AFF3: variants seen among roughly 807,000 people sequenced by gnomAD.
The protein encoded by AFF3 is ALF transcription elongation factor 3.
Under a neutral mutation model 129.7 loss-of-function variants are expected in AFF3, and 32 were observed. The observed-to-expected ratio is 0.25, with a 90% CI of 0.19 to 0.33. The LOEUF is 0.33. AFF3 is among the 10% of genes least tolerant of loss of function. AFF3 has a pLI of 1.00. For synonymous variants in AFF3, 644 were observed against 635.4 expected, an observed-to-expected ratio of 1.01 and a Z score of -0.20; for missense variants, 1,373 against 1,592.0, an observed-to-expected ratio of 0.86 and a Z score of 2.34.
intron 5 of AFF3, 173 bp from the exon 6 acceptor site, chr2:100,007,633 T>C (rs1682091697): frequency 4.6e-6 from 3 of 654,106 alleles, no homozygotes; most frequent in South Asian, 1.9e-5. Flanking sequence ...CACTTGGTGA[T>C]GCACCAGAAC....
chr2:99,741,201 G>A (rs1041430361), intron 10 of AFF3, among the ~76,000 whole-genome samples: 24 of 152,246 alleles, frequency 1.6e-4, no homozygotes, highest in Non-Finnish European at 2.5e-4. Flanking sequence ...TCAACATAGT[G>A]TTGGAAGTTC....
At chr2:99,980,434 T>G (rs115044080) in intron 7 of AFF3, among the ~76,000 whole-genome samples, 2 of 152,210 alleles carry the variant, frequency 1.3e-5, no homozygotes, top group Non-Finnish European at 2.9e-5. Flanking sequence ...TGGAGGGACA[T>G]GAAGAAAGGC....
intron 7 of AFF3, among the ~76,000 whole-genome samples, chr2:99,970,401 C>A (rs575981133): frequency 1.3e-5 from 2 of 152,258 alleles, no homozygotes; most frequent in East Asian, 3.9e-4. Context: ...AAACATCTCC[C>A]TCCCTCACCT....
intron 17 of AFF3, among the ~76,000 whole-genome samples, chr2:99,579,041 C>T (rs765899864): frequency 6.6e-6 from 1 of 152,204 alleles, no homozygotes; most frequent in Admixed American, 6.5e-5. Context: ...ACTCATCTCA[C>T]AGGTTTGCTG....
At chr2:99,868,408 C>T (rs906153200) in intron 7 of AFF3, among the ~76,000 whole-genome samples, 6 of 151,968 alleles carry the variant, frequency 3.9e-5, no homozygotes, top group South Asian at 2.1e-4. Flanking sequence ...AACATCAGGC[C>T]GGGAGGGGAG....
At chr2:99,684,976 T>C (rs1388958838) in intron 11 of AFF3, among the ~76,000 whole-genome samples, 2 of 151,514 alleles carry the variant, frequency 1.3e-5, no homozygotes, top group African/African-American at 2.4e-5. Context: ...TCTTGCTTTA[T>C]TGCCCAGGCT....
rs1674176169 is a variant in AFF3, at chr2:99,548,358, C to T, written c.*3116G>A. 5.0e-6 allele frequency: 1 copy of T among 200,024 alleles called. No homozygotes were observed. Among genetic ancestry groups the T allele is most frequent in the Admixed American group, 6.0e-5 (1 of 16,582 alleles). 12.4% of individuals were successfully genotyped at this position (200,024 alleles called of 1,614,324 possible). A position where few individuals can be genotyped will look rare whatever the true frequency, so the allele number is the denominator to read the frequency against. ...CAGAAGGGACAACCAGGGACTTACA[C>T]TTTCTACTTTCTACATTTCTGCACT... On this transcript the variant is annotated 3_prime_UTR_variant, in exon 25 of 25. Coordinates refer to ENST00000672756, the MANE Select transcript of AFF3 (RefSeq NM_001386135.1).
chr2:99,565,223 G>C (rs538896762), intron 20 of AFF3, among the ~76,000 whole-genome samples: 3 of 152,072 alleles, frequency 2.0e-5, no homozygotes, highest in East Asian at 1.9e-4. Flanking sequence ...CTAGCTGAGA[G>C]GAGCAGGCAT....
chr2:99,738,031 CCT>C (rs1421476471), intron 10 of AFF3, among the ~76,000 whole-genome samples: 2 of 152,048 alleles, frequency 1.3e-5, no homozygotes, highest in East Asian at 3.8e-4. Context: ...CATTTCCAAT[CCT>C]CTCTTTTATT....
chr2:99,673,524 A>T (rs1687349391), intron 11 of AFF3, among the ~76,000 whole-genome samples: 1 of 152,238 alleles, frequency 6.6e-6, no homozygotes, highest in South Asian at 2.1e-4. Flanking sequence ...AATTCATTTC[A>T]AAAGAAATCT....
At chr2:99,973,077 C>A (rs773525278) in intron 7 of AFF3, among the ~76,000 whole-genome samples, 1 of 152,198 alleles carries the variant, frequency 6.6e-6, no homozygotes, top group African/African-American at 2.4e-5. Context: ...GAAAACAACA[C>A]ATGATACCTG....
chr2:99,911,360 C>T (rs1158019927), intron 7 of AFF3, among the ~76,000 whole-genome samples: 1 of 151,254 alleles, frequency 6.6e-6, no homozygotes, highest in Non-Finnish European at 1.5e-5. Flanking sequence ...TGCACTCCAG[C>T]CTGGGCAACA....
chr2:99,738,670 T>C (rs964236296), intron 10 of AFF3, among the ~76,000 whole-genome samples: 2 of 152,182 alleles, frequency 1.3e-5, no homozygotes, highest in African/African-American at 4.8e-5. Context: ...TGTATCAGTA[T>C]TCCGATCAAT....
At chr2:99,713,127 G>C (rs555327537) in intron 11 of AFF3, among the ~76,000 whole-genome samples, 2 of 152,234 alleles carry the variant, frequency 1.3e-5, no homozygotes, top group African/African-American at 4.8e-5. Context: ...GTTTCAGTTT[G>C]GGAAGATAAA....
chr2:99,670,057 CAG>C (rs1228622229), intron 12 of AFF3, among the ~76,000 whole-genome samples: 2 of 152,132 alleles, frequency 1.3e-5, no homozygotes, highest in Admixed American at 1.3e-4. Context: ...ATTTTACAAA[CAG>C]AGACACTGAA....
At position 99,752,359 on chromosome 2, in the gene AFF3, G is replaced by T. The variant is rs576830208; in HGVS notation, c.922-58C>A. 7 of 1,455,358 alleles carry T rather than the reference G, an allele frequency of 4.8e-6. No individual in the cohort carries two copies. In the East Asian group the frequency reaches 1.4e-4, roughly 29 times the overall value. 90.2% of individuals were successfully genotyped at this position (1,455,358 alleles called of 1,614,324 possible). A position where few individuals can be genotyped will look rare whatever the true frequency, so the allele number is the denominator to read the frequency against. On this transcript the variant is annotated intron_variant, in intron 8 of 24. Coordinates refer to ENST00000672756, the MANE Select transcript of AFF3 (RefSeq NM_001386135.1). ...GATACAGACAGTATTTAAAATCAGC[G>T]GTATGTAAAGCAGCTGTACAAGTGG...
chr2:99,919,987 TG>T (rs1451074329), intron 7 of AFF3, among the ~76,000 whole-genome samples: 1 of 152,074 alleles, frequency 6.6e-6, no homozygotes, highest in Non-Finnish European at 1.5e-5. Context: ...AGAAATTCCT[TG>T]AAAAATACAA....
chr2:99,913,074 A>T (rs1695215439), intron 7 of AFF3, among the ~76,000 whole-genome samples: 1 of 152,158 alleles, frequency 6.6e-6, no homozygotes, highest in African/African-American at 2.4e-5. Flanking sequence ...AAACCAATTC[A>T]ATTTCACCCC....
chr2:99,865,649 T>C (rs550128367), intron 7 of AFF3, among the ~76,000 whole-genome samples: 32 of 152,288 alleles, frequency 2.1e-4, no homozygotes, highest in African/African-American at 7.7e-4. Context: ...TTGGGAGCCA[T>C]CAAAGAAGCA....
Sources: gnomAD v4.1 joint callset for allele counts (sites outside exome capture counted in the v4.1 genomes callset) on GRCh38, gnomAD v4.1.1 for gene constraint, MANE v1.5 for transcripts, NCBI Gene and HGNC (gene_info 2026-07-23, HGNC 2026-07-21) for gene names.